The following SLC36A3 variants were observed in gnomAD, a reference collection of about 807,000 sequenced individuals.
SLC36A3 encodes the protein solute carrier family 36 member 3, also known as proton-coupled amino acid transporter 3.
Under a neutral mutation model 44.3 loss-of-function variants are expected in SLC36A3, and 35 were observed. The observed-to-expected ratio is 0.79, with a 90% confidence interval of 0.60 to 1.05. The LOEUF is 1.05. Among genes scored for constraint, SLC36A3 ranks in the 50% least tolerant of loss-of-function variants. The probability of loss-of-function intolerance (pLI) is 0.00; values close to 1 mark genes in which losing one functional copy is unlikely to be tolerated. For missense variants in SLC36A3, 540 were observed against 578.7 expected (o/e 0.93, Z 0.69); for synonymous variants, 211 against 227.6 (o/e 0.93, Z 0.66).
At chr5:151,302,137 C>T (rs572833171) in intron 1 of SLC36A3, among the ~76,000 whole-genome samples, 15 of 152,248 alleles carry the variant, frequency 9.9e-5, no homozygotes, top group South Asian at 2.1e-4. Flanking sequence ...TGTGTGTGCA[C>T]GAGTTGTATA....
At chr5:151,294,486 G>A (rs1385506143) in intron 3 of SLC36A3, among the ~76,000 whole-genome samples, 1 of 152,054 alleles carries the variant, frequency 6.6e-6, no homozygotes, top group Non-Finnish European at 1.5e-5. Context: ...ATTGTAAAAG[G>A]GATTGCTCAG....
At chr5:151,277,813 C>T (rs1754152725) in intron 9 of SLC36A3, 152 bp from the exon 10 acceptor site, 2 of 819,246 alleles carry the variant, frequency 2.4e-6, no homozygotes, top group African/African-American at 1.7e-5. Context: ...CAACTCCCAC[C>T]CCTGTCTTAA....
At chr5:151,278,916 C>T (rs745607618) in intron 9 of SLC36A3, among the ~76,000 whole-genome samples, 3 of 152,202 alleles carry the variant, frequency 2.0e-5, no homozygotes, top group Non-Finnish European at 4.4e-5. Flanking sequence ...GGAGAAAGGC[C>T]TTACGCTCCA....
chr5:151,298,372 C>A, intron 2 of SLC36A3: 1 of 503,636 alleles, frequency 2.0e-6, no homozygotes, highest in East Asian at 3.3e-5. Context: ...AAAGTAGAGT[C>A]AGATGAGCAT....
intron 4 of SLC36A3, among the ~76,000 whole-genome samples, chr5:151,292,840 C>T (rs1381576641): frequency 6.6e-6 from 1 of 152,036 alleles, no homozygotes; most frequent in East Asian, 1.9e-4. Context: ...AAAAATTAAC[C>T]AGGCGTGGTG....
At chr5:151,303,205 G>T (rs771242274) in intron 1 of SLC36A3, 22 bp downstream of exon 1, 2 of 1,603,874 alleles carry the variant, frequency 1.2e-6, no homozygotes, top group South Asian at 2.2e-5. Context: ...CTCAGGCCTG[G>T]AAGGGCGGTG....
At chr5:151,287,525 C>T in intron 5 of SLC36A3, 61 bp from the exon 6 acceptor site, 3 of 1,500,572 alleles carry the variant, frequency 2.0e-6, no homozygotes, top group East Asian at 4.6e-5. Context: ...ACACCAATTA[C>T]ATTTGAATTT....
chr5:151,289,688 C>T (rs568939790), intron 4 of SLC36A3, among the ~76,000 whole-genome samples: 12 of 152,246 alleles, frequency 7.9e-5, no homozygotes, highest in Non-Finnish European at 1.6e-4. Flanking sequence ...TCTTATAGAA[C>T]GCCCCACATT....
At position 151,277,348 on chromosome 5, in the gene SLC36A3, C is replaced by T. The variant is rs902351800; in HGVS notation, c.*45G>A. ...ATATAACATCCACATGGAAGTCAAA[C>T]TGGGGATGGGAGGAAGGGAGAGCTA... On this transcript the variant is annotated 3_prime_UTR_variant, in exon 10 of 10. Coordinates refer to ENST00000335230, the MANE Select transcript of SLC36A3 (RefSeq NM_181774.4). 3 of 1,603,302 alleles carry T rather than the reference C, an allele frequency of 1.9e-6. No individual in the cohort carries two copies. The highest frequency in any genetic ancestry group is 2.6e-6 in the Non-Finnish European group (3 of 1,172,606).
At chr5:151,277,788 C>T (rs1197895547) in intron 9 of SLC36A3, 127 bp from the exon 10 acceptor site, 2 of 1,189,310 alleles carry the variant, frequency 1.7e-6, no homozygotes, top group East Asian at 5.1e-5. Context: ...CTACTGCAGG[C>T]TTGGGGAGGT....
intron 5 of SLC36A3, 105 bp from the exon 6 acceptor site, chr5:151,287,569 G>T (rs1169790813): frequency 1.9e-6 from 2 of 1,059,530 alleles, no homozygotes; most frequent in African/African-American, 1.6e-5. Context: ...GTATAAATAT[G>T]CCCCAAATAT....
At chr5:151,283,937 G>T (rs1490910425) in intron 8 of SLC36A3, 107 bp downstream of exon 8, 2 of 1,378,002 alleles carry the variant, frequency 1.5e-6, no homozygotes, top group African/African-American at 1.5e-5. Context: ...GTCACTTCCA[G>T]TGATGGATTA....
intron 4 of SLC36A3, among the ~76,000 whole-genome samples, chr5:151,289,560 T>A (rs1364955311): frequency 6.6e-6 from 1 of 152,222 alleles, no homozygotes; most frequent in Non-Finnish European, 1.5e-5. Flanking sequence ...TTATACTTTT[T>A]AAAGTTATTA....
Position 151,293,369 on chromosome 5 carries a change from C to G in SLC36A3, c.399G>C (p.Trp133Cys). Residue 133 changes from tryptophan to cysteine, a missense_variant, in exon 4 of 10, where the codon TGG (tryptophan) becomes TGC (cysteine). Transcript: ENST00000335230. ...ACAACATCTGTGACTACTACCTTCC[C>G]CACACTGCATGGGCCCTCAGCCAGG... Reference protein sequence around the residue: ...PNTWLRAHAVWGRYTVSFLLV... With the variant: ...PNTWLRAHAVCGRYTVSFLLV... 1 of 1,612,792 alleles carries G rather than the reference C, an allele frequency of 6.2e-7. No individual in the cohort carries two copies. The highest frequency in any genetic ancestry group is 8.5e-7 in the Non-Finnish European group (1 of 1,179,196).
At chr5:151,296,453 G>C in intron 2 of SLC36A3, 185 bp from the exon 3 acceptor site, 2 of 617,732 alleles carry the variant, frequency 3.2e-6, no homozygotes, top group Non-Finnish European at 5.9e-6. Context: ...CATCCCTGTA[G>C]AGTGGCTGCC....
rs1754121723 is a variant in SLC36A3, at chr5:151,277,274, GAT to G, written c.*117_*118del. 1.2e-5 allele frequency: 16 copies of G among 1,328,068 alleles called. No homozygotes were observed. In the East Asian group the frequency reaches 3.7e-4, roughly 31 times the overall value. 82.3% of individuals were successfully genotyped at this position (1,328,068 alleles called of 1,614,324 possible). On this transcript the variant is annotated 3_prime_UTR_variant, in exon 10 of 10. Coordinates refer to ENST00000335230, the MANE Select transcript of SLC36A3 (RefSeq NM_181774.4). ...TTCTCATCTGCATTTCTCTTGGAAA[GAT>G]AAAGACGCCACTAATTAATATAGAG... is the stretch of plus-strand genomic sequence containing the variant.
At chr5:151,283,679 G>C (rs977589874) in intron 8 of SLC36A3, among the ~76,000 whole-genome samples, 1 of 152,184 alleles carries the variant, frequency 6.6e-6, no homozygotes, top group Admixed American at 6.5e-5. Flanking sequence ...AGGCTGTGGG[G>C]ATGCATAACA....
intron 9 of SLC36A3, 77 bp downstream of exon 9, chr5:151,280,937 C>T: frequency 6.4e-7 from 1 of 1,569,032 alleles, no homozygotes; most frequent in Non-Finnish European, 8.7e-7. Context: ...AGTGGCAGAT[C>T]CAATGATGGT....
At chr5:151,302,189 T>A (rs1282140090) in intron 1 of SLC36A3, among the ~76,000 whole-genome samples, 2 of 152,240 alleles carry the variant, frequency 1.3e-5, no homozygotes, top group Non-Finnish European at 2.9e-5. Flanking sequence ...GTATGTTTTA[T>A]ACAAATGACA....
Sources: allele counts gnomAD v4.1 joint callset (sites outside exome capture counted in the v4.1 genomes callset), GRCh38; gene constraint gnomAD v4.1.1; transcripts MANE v1.5; gene names NCBI Gene and HGNC (gene_info 2026-07-23, HGNC 2026-07-21).